CADM2: variants seen among roughly 807,000 people sequenced by gnomAD.
CADM2 encodes the protein immunoglobulin superfamily member 4D.
CADM2 carries 12 observed loss-of-function variants against 49.8 expected under a neutral mutation model. That is an observed-to-expected ratio of 0.24 (90% confidence interval 0.15 to 0.39). CADM2 has a LOEUF of 0.39. CADM2 is among the 10% of genes least tolerant of loss of function. The pLI is 1.00. For missense variants in CADM2, 378 were observed against 492.3 expected (o/e 0.77, Z 2.20); for synonymous variants, 214 against 175.4 (o/e 1.22, Z -1.74).
At chr3:85,454,346 T>A (rs73140722) in intron 1 of CADM2, among the ~76,000 whole-genome samples, 93 of 151,684 alleles carry the variant, frequency 6.1e-4, no homozygotes, top group African/African-American at 1.4e-3. Flanking sequence ...TAAAAAGTTT[T>A]TAAAAAAATG....
rs572081503 is a variant in CADM2, at chr3:85,799,081, T to C, written c.89-2966T>C. ...TATTTGGCTCTCTGTTTGTCTGTTATTGTGTGTAGGAATGCCTGTGATTTT... is the reference window on the plus strand; with the variant it reads ...TATTTGGCTCTCTGTTTGTCTGTTACTGTGTGTAGGAATGCCTGTGATTTT... On this transcript the variant is annotated intron_variant, in intron 2 of 9. Coordinates refer to ENST00000383699, the MANE Select transcript of CADM2 (RefSeq NM_001167675.2). 2.2e-4 allele frequency among the ~76,000 whole-genome samples: 34 copies of C among 152,282 alleles called. No homozygotes were observed. The East Asian group carries it at 2.3e-3, about 10-fold the overall frequency.
intron 2 of CADM2, among the ~76,000 whole-genome samples, chr3:85,736,115 G>A (rs2068121994): frequency 6.6e-6 from 1 of 151,508 alleles, no homozygotes; most frequent in South Asian, 2.1e-4. Context: ...TACAAGCAAA[G>A]GTGTCAGAGA....
intron 1 of CADM2, among the ~76,000 whole-genome samples, chr3:84,982,524 T>C (rs111793972): frequency 0.011 from 1,670 of 151,534 alleles, 11 homozygotes; most frequent in Non-Finnish European, 0.016. Flanking sequence ...CAATTTTCTT[T>C]ACAATTTGAG....
chr3:86,022,121 T>C (rs76146005), intron 8 of CADM2, among the ~76,000 whole-genome samples: 4,909 of 152,262 alleles, frequency 0.032, 153 homozygotes, highest in African/African-American at 0.077. Flanking sequence ...ATATAATTTT[T>C]ATGAAAATAT....
At chr3:85,425,095 T>C (rs1188567519) in intron 1 of CADM2, among the ~76,000 whole-genome samples, 1 of 152,098 alleles carries the variant, frequency 6.6e-6, no homozygotes, top group African/African-American at 2.4e-5. Context: ...ATGAAAGAGG[T>C]CACGAACATA....
At chr3:85,504,930 C>G (rs942579278) in intron 1 of CADM2, among the ~76,000 whole-genome samples, 2 of 152,154 alleles carry the variant, frequency 1.3e-5, no homozygotes, top group Non-Finnish European at 2.9e-5. Context: ...TGCTAAGCCC[C>G]TCATTGCCCG....
chr3:85,222,013 T>C (rs2042055151), intron 1 of CADM2, among the ~76,000 whole-genome samples: 1 of 152,086 alleles, frequency 6.6e-6, no homozygotes, highest in Admixed American at 6.6e-5. Flanking sequence ...GGAGAAAAAA[T>C]ATTTAGAAGA....
chr3:85,973,785 A>G (rs1303859209), intron 8 of CADM2, among the ~76,000 whole-genome samples: 1 of 151,784 alleles, frequency 6.6e-6, no homozygotes, highest in Non-Finnish European at 1.5e-5. Flanking sequence ...CCATAGCAGT[A>G]TGTCATGAAT....
intron 7 of CADM2, among the ~76,000 whole-genome samples, chr3:85,948,717 T>TAATAAAATAAAATAAAATAA (rs58893078): frequency 2.7e-5 from 4 of 150,800 alleles, no homozygotes; most frequent in African/African-American, 9.7e-5. Context: ...CTAAATAAAA[T>TAATAAAATAAAATAAAATAA]AATAAAATAA....
intron 1 of CADM2, among the ~76,000 whole-genome samples, chr3:85,327,733 AT>A (rs758696516): frequency 3.1e-4 from 47 of 152,218 alleles, no homozygotes; most frequent in Admixed American, 1.4e-3. Context: ...TTGACAATAT[AT>A]TGCAAGTCTT....
intron 1 of CADM2, among the ~76,000 whole-genome samples, chr3:85,491,683 G>T (rs1472093650): frequency 6.6e-6 from 1 of 152,056 alleles, no homozygotes; most frequent in African/African-American, 2.4e-5. Flanking sequence ...CGGGCACGGT[G>T]GCTCACACCT....
chr3:85,465,198 A>T (rs1395955243), intron 1 of CADM2, among the ~76,000 whole-genome samples: 1 of 152,124 alleles, frequency 6.6e-6, no homozygotes, highest in Non-Finnish European at 1.5e-5. Flanking sequence ...CAAACAAAAA[A>T]CATACTTTTG....
At chr3:85,360,988 A>G (rs1350145013) in intron 1 of CADM2, among the ~76,000 whole-genome samples, 2 of 152,106 alleles carry the variant, frequency 1.3e-5, no homozygotes, top group Non-Finnish European at 2.9e-5. Flanking sequence ...CCGCTACCCC[A>G]GCATACAGTC....
At chr3:85,264,124 C>A (rs140973808) in intron 1 of CADM2, among the ~76,000 whole-genome samples, 1 of 152,172 alleles carries the variant, frequency 6.6e-6, no homozygotes, top group African/African-American at 2.4e-5. Flanking sequence ...CTGCTTATAA[C>A]CATAGTTGGA....
At chr3:85,385,806 T>C (rs1222246077) in intron 1 of CADM2, 1 of 151,930 alleles carries the variant, frequency 6.6e-6, no homozygotes, top group Non-Finnish European at 1.5e-5. Flanking sequence ...CTCTCTTTTT[T>C]TTTTTTTTTG....
intron 8 of CADM2, among the ~76,000 whole-genome samples, chr3:86,061,987 G>T (rs1002463531): frequency 4.2e-5 from 2 of 47,886 alleles, no homozygotes; most frequent in African/African-American, 1.8e-4. Flanking sequence ...TGTTGATGGT[G>T]GGGGGGGGGT....
chr3:85,384,075 G>A (rs1198557241), intron 1 of CADM2, among the ~76,000 whole-genome samples: 1 of 152,024 alleles, frequency 6.6e-6, no homozygotes, highest in Non-Finnish European at 1.5e-5. Context: ...TGGTTTCAAG[G>A]AAATAATACC....
At chr3:85,668,329 C>T (rs1409012620) in intron 1 of CADM2, among the ~76,000 whole-genome samples, 1 of 126,528 alleles carries the variant, frequency 7.9e-6, no homozygotes, top group Non-Finnish European at 1.7e-5. Flanking sequence ...CAAAAACAAA[C>T]ACAAACAAAC....
intron 1 of CADM2, among the ~76,000 whole-genome samples, chr3:84,978,074 G>A (rs1057393464): frequency 2.0e-5 from 3 of 152,068 alleles, no homozygotes; most frequent in African/African-American, 4.8e-5. Flanking sequence ...TTTTAGAAAT[G>A]ATAAAGGTGT....
Sources: allele counts gnomAD v4.1 joint callset (sites outside exome capture counted in the v4.1 genomes callset), GRCh38; gene constraint gnomAD v4.1.1; transcripts MANE v1.5; gene names NCBI Gene and HGNC (gene_info 2026-07-23, HGNC 2026-07-21).